Variants in CREBL2 observed in about 807,000 individuals in gnomAD.
CREBL2 encodes cAMP-responsive element-binding protein-like 2.
In CREBL2, 4 loss-of-function variants were observed where a neutral mutation model predicts 19.5. The observed-to-expected ratio is 0.20, with a 90% confidence interval of 0.10 to 0.47. CREBL2 has a LOEUF of 0.47. CREBL2 is among the 20% of genes least tolerant of loss of function. The pLI is 0.98. For synonymous variants in CREBL2, 42 were observed against 46.6 expected, an observed-to-expected ratio of 0.90 and a Z score of 0.40; for missense variants, 85 against 145.1, an observed-to-expected ratio of 0.59 and a Z score of 2.13.
At chr12:12,623,532 A>G (rs929086842) in intron 1 of CREBL2, among the ~76,000 whole-genome samples, 2 of 152,144 alleles carry the variant, frequency 1.3e-5, no homozygotes, top group Non-Finnish European at 1.5e-5. Context: ...TAGAGGGAAA[A>G]TAGAAATGTA....
chr12:12,641,939 A>C, intron 3 of CREBL2, 55 bp from the exon 4 acceptor site: 3 of 1,340,076 alleles, frequency 2.2e-6, no homozygotes. Context: ...AAACAGATTA[A>C]TCAAACTTTA....
At position 12,643,369 on chromosome 12, in the gene CREBL2, C is replaced by T. The variant is rs1945540633; in HGVS notation, c.*1371C>T. The T allele has an allele frequency of 6.6e-6, 1 of 152,662 alleles. No individual in the cohort carries two copies. Among genetic ancestry groups the T allele is most frequent in the African/African-American group, 2.4e-5 (1 of 41,474 alleles). The allele number at this position is 152,662 out of a possible 1,614,324, so 9.5% of individuals were successfully genotyped here. On this transcript the variant is annotated 3_prime_UTR_variant, in exon 4 of 4. Coordinates refer to ENST00000228865, the MANE Select transcript of CREBL2 (RefSeq NM_001310.4). Reference sequence around the variant, plus strand: ...CCCAGCGAGATACTTACCACTCTCTCTTCTCTTTCCCATGGTTAAAACAGG... The same window carrying T: ...CCCAGCGAGATACTTACCACTCTCTTTTCTCTTTCCCATGGTTAAAACAGG...
rs192915069 is a variant in CREBL2 at position 12,612,204 on chromosome 12, G to C, written c.15+17G>C. On this transcript the variant is annotated intron_variant, in intron 1 of 3. Coordinates refer to ENST00000228865, the MANE Select transcript of CREBL2 (RefSeq NM_001310.4). ...GACAGTAAGGTAAGTCTTGTGGTTT[G>C]CACGCGCCGCCGCCTTCTTGTCGCT... The C allele has an allele frequency of 6.2e-7, 1 of 1,613,326 alleles. No individual in the cohort carries two copies. The highest frequency in any genetic ancestry group is 8.5e-7 in the Non-Finnish European group (1 of 1,180,012).
At chr12:12,625,064 T>C (rs537607187) in intron 1 of CREBL2, among the ~76,000 whole-genome samples, 1 of 152,102 alleles carries the variant, frequency 6.6e-6, no homozygotes, top group Non-Finnish European at 1.5e-5. Context: ...AGCCGTAGTC[T>C]CGTCTACCAG....
Position 12,635,842 on chromosome 12 carries a change from A to G in CREBL2, c.81A>G (p.Lys27=), listed in dbSNP as rs1250603358. 6.2e-7 allele frequency: 1 copy of G among 1,614,050 alleles called. No homozygotes were observed. The highest frequency in any genetic ancestry group is 8.5e-7 in the Non-Finnish European group (1 of 1,179,996). The change falls in exon 2 of 4, where the codon AAA becomes AAG. Residue 27 remains lysine (K), a synonymous_variant. Transcript: ENST00000228865. Reference sequence around the variant, plus strand: ...GGAAGCCAGCCAAAATTGACTTGAAAGCAAAACTTGAGAGGAGCCGGCAGA... The same window carrying G: ...GGAAGCCAGCCAAAATTGACTTGAAGGCAAAACTTGAGAGGAGCCGGCAGA... ...RGRKPAKIDL[K]AKLERSRQSA... is the part of the protein sequence containing the mutation.
intron 1 of CREBL2, among the ~76,000 whole-genome samples, chr12:12,622,344 A>T (rs1399062868): frequency 6.6e-6 from 1 of 152,232 alleles, no homozygotes; most frequent in African/African-American, 2.4e-5. Flanking sequence ...ATAAAGAGTG[A>T]AGAGAATAGA....
At chr12:12,634,838 T>G (rs1201668215) in intron 1 of CREBL2, among the ~76,000 whole-genome samples, 2 of 152,074 alleles carry the variant, frequency 1.3e-5, no homozygotes, top group Non-Finnish European at 2.9e-5. Flanking sequence ...GGAGGATCGC[T>G]TGAGGCCGGG....
At chr12:12,634,903 T>A (rs1316779306) in intron 1 of CREBL2, among the ~76,000 whole-genome samples, 1 of 151,950 alleles carries the variant, frequency 6.6e-6, no homozygotes, top group East Asian at 1.9e-4. Context: ...AAAGCGATTT[T>A]TTTTTTTTAA....
chr12:12,636,427 T>C (rs1019790992), intron 2 of CREBL2, among the ~76,000 whole-genome samples: 2 of 152,156 alleles, frequency 1.3e-5, no homozygotes, highest in African/African-American at 4.8e-5. Flanking sequence ...ATTTTTTATT[T>C]TTTATTTTTT....
intron 1 of CREBL2, among the ~76,000 whole-genome samples, chr12:12,613,112 C>T (rs1255129155): frequency 6.6e-6 from 1 of 152,192 alleles, no homozygotes; most frequent in African/African-American, 2.4e-5. Context: ...CTTAGGTGTC[C>T]GCTCGCCTCG....
chr12:12,613,810 T>A (rs1435779459), intron 1 of CREBL2, among the ~76,000 whole-genome samples: 1 of 152,138 alleles, frequency 6.6e-6, no homozygotes, highest in Non-Finnish European at 1.5e-5. Flanking sequence ...CATTGTAGAC[T>A]CTTCAGTTTT....
intron 1 of CREBL2, among the ~76,000 whole-genome samples, chr12:12,623,635 T>C (rs980064912): frequency 2.6e-5 from 4 of 152,014 alleles, no homozygotes; most frequent in African/African-American, 9.7e-5. Flanking sequence ...CTGGGGATAA[T>C]GAAAGAGAGA....
chr12:12,643,689 A>T lies in CREBL2; in HGVS notation c.*1691A>T, dbSNP rs1945544123. On this transcript the variant is annotated 3_prime_UTR_variant, in exon 4 of 4. Coordinates refer to ENST00000228865, the MANE Select transcript of CREBL2 (RefSeq NM_001310.4). Reference sequence around the variant, plus strand: ...AGTCTAGTCTAGTCTAGTCTAGTCTAGTCATGTGTGACTGTGTACTGAGAT... The same window carrying T: ...AGTCTAGTCTAGTCTAGTCTAGTCTTGTCATGTGTGACTGTGTACTGAGAT... The T allele has an allele frequency of 6.8e-6, 1 of 146,726 alleles. No individual in the cohort carries two copies. The highest frequency in any genetic ancestry group is 1.5e-5 in the Non-Finnish European group (1 of 66,322). The allele number at this position is 146,726 out of a possible 1,614,324, so 9.1% of individuals were successfully genotyped here.
intron 1 of CREBL2, among the ~76,000 whole-genome samples, chr12:12,624,235 A>G (rs1351922952): frequency 6.6e-6 from 1 of 152,250 alleles, no homozygotes; most frequent in Non-Finnish European, 1.5e-5. Context: ...TATTATTTCT[A>G]TAATGATCAG....
At chr12:12,641,624 T>G (rs972518520) in intron 3 of CREBL2, among the ~76,000 whole-genome samples, 1 of 152,156 alleles carries the variant, frequency 6.6e-6, no homozygotes, top group African/African-American at 2.4e-5. Context: ...AAACTTCTTA[T>G]GTTTTCAGTA....
intron 1 of CREBL2, among the ~76,000 whole-genome samples, chr12:12,634,376 A>C (rs536203989): frequency 2.0e-5 from 3 of 152,228 alleles, no homozygotes; most frequent in Non-Finnish European, 4.4e-5. Context: ...ATTGAGTAAC[A>C]GGAATATTGA....
At chr12:12,627,375 G>A (rs1412791096) in intron 1 of CREBL2, among the ~76,000 whole-genome samples, 1 of 152,014 alleles carries the variant, frequency 6.6e-6, no homozygotes, top group Non-Finnish European at 1.5e-5. Flanking sequence ...AAGAAAAAAA[G>A]AAACTCTGAG....
intron 1 of CREBL2, among the ~76,000 whole-genome samples, chr12:12,612,823 A>G (rs1945278818): frequency 2.0e-5 from 3 of 152,224 alleles, no homozygotes; most frequent in Non-Finnish European, 2.9e-5. Flanking sequence ...ATAATAGATA[A>G]TGTTCATTAT....
At chr12:12,614,073 C>G (rs546763819) in intron 1 of CREBL2, among the ~76,000 whole-genome samples, 1 of 146,548 alleles carries the variant, frequency 6.8e-6, no homozygotes, top group African/African-American at 2.5e-5. Context: ...GGCTCACTGC[C>G]GAGAATTGCT....
Sources: gnomAD v4.1 joint callset for allele counts (sites outside exome capture counted in the v4.1 genomes callset) on GRCh38, gnomAD v4.1.1 for gene constraint, MANE v1.5 for transcripts, NCBI Gene and HGNC (gene_info 2026-07-23, HGNC 2026-07-21) for gene names.